The following HLCS variants were observed in gnomAD, a reference collection of about 807,000 sequenced individuals.
The protein encoded by HLCS is holocarboxylase synthetase, also known as biotin--protein ligase.
A neutral mutation model predicts 75.0 loss-of-function variants in HLCS; 53 were observed. The ratio of observed to expected loss-of-function variants is 0.71; its 90% CI spans 0.57 to 0.89. HLCS has a LOEUF of 0.89. Among genes scored for constraint, HLCS ranks in the 40% least tolerant of loss-of-function variants. The pLI is 0.00. For synonymous variants in HLCS, 431 were observed against 428.6 expected (o/e 1.01, Z -0.07); for missense variants, 966 against 1,074.0 (o/e 0.90, Z 1.41).
intron 6 of HLCS, among the ~76,000 whole-genome samples, chr21:36,866,833 T>G (rs2063573169): frequency 6.7e-6 from 1 of 149,908 alleles, no homozygotes; most frequent in Non-Finnish European, 1.5e-5. Flanking sequence ...AGCCAAGAAT[T>G]TGAGTAGTTT....
At chr21:36,792,015 G>A (rs937550757) in intron 6 of HLCS, among the ~76,000 whole-genome samples, 6 of 152,096 alleles carry the variant, frequency 3.9e-5, no homozygotes, top group Admixed American at 2.0e-4. Flanking sequence ...AGTTAGGTGT[G>A]GGCCAGCCAC....
intron 6 of HLCS, among the ~76,000 whole-genome samples, chr21:36,885,907 T>G (rs1382837725): frequency 6.6e-6 from 1 of 152,206 alleles, no homozygotes; most frequent in Non-Finnish European, 1.5e-5. Flanking sequence ...AAAAGGTTAC[T>G]GATTTTCCCA....
At chr21:36,833,042 T>G (rs2062267486) in intron 6 of HLCS, among the ~76,000 whole-genome samples, 2 of 151,658 alleles carry the variant, frequency 1.3e-5, no homozygotes, top group African/African-American at 4.8e-5. Context: ...GAAGACCATT[T>G]TTTTTTTTTA....
chr21:36,888,444 AAATATATATATATATATATATAT>A (rs1274805377), intron 6 of HLCS, among the ~76,000 whole-genome samples: 334 of 25,520 alleles, frequency 0.013, 20 homozygotes, highest in South Asian at 0.03. Flanking sequence ...AAAAAAAAAA[AAATATATATATATATATATATAT>A]ATATATATAT....
At chr21:36,826,798 C>T (rs761554179) in intron 6 of HLCS, among the ~76,000 whole-genome samples, 11 of 152,144 alleles carry the variant, frequency 7.2e-5, no homozygotes, top group Non-Finnish European at 1.0e-4. Flanking sequence ...CAGTTAACAG[C>T]GGAACTGGGA....
rs895590092 is a variant in HLCS, at chr21:36,847,340, C to T, written c.1892+49520G>A. Among the ~76,000 whole-genome samples, 7 of 152,296 alleles carry T rather than the reference C, an allele frequency of 4.6e-5. No homozygotes were observed. The South Asian group carries it at 6.2e-4, about 14-fold the overall frequency. On this transcript the variant is annotated intron_variant, in intron 6 of 10. Coordinates refer to ENST00000674895, the MANE Select transcript of HLCS (RefSeq NM_001352514.2). ...ATAAGAGCCAGCAGTCATAGCAGCA[C>T]GCTAGAATCAACATCATCTGAGTTC...
intron 6 of HLCS, among the ~76,000 whole-genome samples, chr21:36,861,580 T>G (rs2063383477): frequency 6.6e-6 from 1 of 152,154 alleles, no homozygotes; most frequent in Non-Finnish European, 1.5e-5. Context: ...GGGCCCATTG[T>G]TCCCCTCTTT....
chr21:36,872,474 A>G lies in HLCS; in HGVS notation c.1892+24386T>C, dbSNP rs147756152. On this transcript the variant is annotated intron_variant, in intron 6 of 10. Transcript: ENST00000674895. ...TTATGTAAAATTGGCCTACCTTGAT[A>G]TGCTAAGATCTGCTGGGTTTTGACA... 1.7e-3 allele frequency among the ~76,000 whole-genome samples: 257 copies of G among 152,184 alleles called. 2 individuals are homozygous for G. The highest frequency in any genetic ancestry group is 3.4e-3 in the Middle Eastern group (1 of 292).
At chr21:36,944,135 C>CA (rs1464400201) in intron 2 of HLCS, 7 of 151,440 alleles carry the variant, frequency 4.6e-5, no homozygotes, top group Non-Finnish European at 7.4e-5. Flanking sequence ...ACATCAGACA[C>CA]AAAAGGTCAC....
intron 6 of HLCS, among the ~76,000 whole-genome samples, chr21:36,774,192 T>A (rs1601184741): frequency 6.6e-6 from 1 of 151,962 alleles, no homozygotes; most frequent in Admixed American, 6.6e-5. Flanking sequence ...GGCGGCAGGG[T>A]CCACGGCACA....
At chr21:36,787,411 A>G (rs1026349270) in intron 6 of HLCS, among the ~76,000 whole-genome samples, 15 of 152,250 alleles carry the variant, frequency 9.9e-5, no homozygotes, top group African/African-American at 3.4e-4. Flanking sequence ...GCTGGTTAAG[A>G]CCCGCAGGGG....
chr21:36,767,531 G>T (rs1366423003), intron 6 of HLCS, among the ~76,000 whole-genome samples: 2 of 152,272 alleles, frequency 1.3e-5, no homozygotes, highest in East Asian at 3.9e-4. Flanking sequence ...AGCATGCGAG[G>T]GGGCGTGTGT....
intron 4 of HLCS, among the ~76,000 whole-genome samples, chr21:36,933,666 G>A (rs944036345): frequency 6.6e-6 from 1 of 151,792 alleles, no homozygotes; most frequent in Non-Finnish European, 1.5e-5. Context: ...ACAGCATAGC[G>A]GCGAGACCCG....
intron 6 of HLCS, among the ~76,000 whole-genome samples, chr21:36,879,116 C>A (rs1480183866): frequency 6.2e-3 from 1 of 162 alleles, no homozygotes; most frequent in Non-Finnish European, 0.012. Flanking sequence ...GGCATGATAT[C>A]TCTTGAACAA....
intron 6 of HLCS, among the ~76,000 whole-genome samples, chr21:36,859,800 T>C (rs2063322484): frequency 6.6e-6 from 1 of 152,222 alleles, no homozygotes; most frequent in South Asian, 2.1e-4. Context: ...CAAACCACCA[T>C]TCCCAGACAT....
intron 5 of HLCS, among the ~76,000 whole-genome samples, chr21:36,908,071 A>G (rs755533121): frequency 1.2e-4 from 18 of 151,688 alleles, no homozygotes; most frequent in Non-Finnish European, 8.8e-5. Flanking sequence ...CCTGTCTCCA[A>G]AAAAAAAGAA....
At chr21:36,931,760 A>AG (rs1555952949) in intron 4 of HLCS, among the ~76,000 whole-genome samples, 26 of 152,054 alleles carry the variant, frequency 1.7e-4, no homozygotes, top group East Asian at 9.6e-4. Context: ...AGAAAAAAAA[A>AG]AGAGAGAGAG....
intron 6 of HLCS, among the ~76,000 whole-genome samples, chr21:36,776,693 G>T (rs143621353): frequency 6.6e-6 from 1 of 152,156 alleles, no homozygotes; most frequent in Non-Finnish European, 1.5e-5. Context: ...GATTACAGGC[G>T]TGAGCCACCG....
At chr21:36,935,329 A>T (rs1193705557) in intron 4 of HLCS, among the ~76,000 whole-genome samples, 2 of 152,206 alleles carry the variant, frequency 1.3e-5, no homozygotes, top group Non-Finnish European at 2.9e-5. Context: ...CAAATTCCTT[A>T]ATTTTAAGCA....
Sources: gnomAD v4.1 joint callset for allele counts (sites outside exome capture counted in the v4.1 genomes callset) on GRCh38, gnomAD v4.1.1 for gene constraint, MANE v1.5 for transcripts, NCBI Gene and HGNC (gene_info 2026-07-23, HGNC 2026-07-21) for gene names.